THSD7A: variants seen among roughly 807,000 people sequenced by gnomAD.
THSD7A encodes thrombospondin type-1 domain-containing protein 7A.
A neutral mutation model predicts 231.3 loss-of-function variants in THSD7A; 96 were observed. The observed-to-expected ratio is 0.41, with a 90% CI of 0.35 to 0.49. The LOEUF (loss-of-function observed/expected upper bound fraction) is 0.49. THSD7A is among the 20% of genes least tolerant of loss of function. The probability of loss-of-function intolerance (pLI) is 0.05; values close to 1 mark genes in which losing one functional copy is unlikely to be tolerated. For synonymous variants in THSD7A, 940 were observed against 743.3 expected, an observed-to-expected ratio of 1.26 and a Z score of -4.30; for missense variants, 2,290 against 2,070.2, an observed-to-expected ratio of 1.11 and a Z score of -2.06.
Position 11,553,358 on chromosome 7 carries a change from T to C in THSD7A, c.1454-10241A>G, listed in dbSNP as rs143387010. Among the ~76,000 whole-genome samples, 657 of 152,232 alleles carry C rather than the reference T, an allele frequency of 4.3e-3. 10 individuals are homozygous for C. The highest frequency in any genetic ancestry group is 0.015 in the African/African-American group (628 of 41,540). ...ACATATTAATTGTAAATCACAGATC[T>C]TACCTGAGTTCCTCAAAAACTGTAA... On this transcript the variant is annotated intron_variant, in intron 4 of 27. Transcript: ENST00000423059.
At chr7:11,753,773 G>GGAGAGAGAGAGAGAGACA (rs929035718) in intron 1 of THSD7A, among the ~76,000 whole-genome samples, 1 of 149,946 alleles carries the variant, frequency 6.7e-6, no homozygotes, top group Admixed American at 6.7e-5. Flanking sequence ...ACAATGCAAT[G>GGAGAGAGAGAGAGAGACA]GAGAGAGAGA....
rs983386870 is a variant in THSD7A at position 11,390,956 on chromosome 7, C to T, written c.4412-8340G>A. The stretch of plus-strand genomic sequence containing the variant: ...GAACAGCAAAGATTGCTGCCTGTTC[C>T]TTCCTCTGAAAACTTCATCCCAGAG... On this transcript the variant is annotated intron_variant, in intron 23 of 27. Coordinates refer to ENST00000423059, the MANE Select transcript of THSD7A (RefSeq NM_015204.3). Among the ~76,000 whole-genome samples, 7 of 152,366 alleles carry T rather than the reference C, an allele frequency of 4.6e-5. No individual in the cohort carries two copies. The East Asian group carries it at 1.2e-3, about 25-fold the overall frequency.
chr7:11,658,729 A>G (rs1000612847), intron 1 of THSD7A, among the ~76,000 whole-genome samples: 1 of 151,828 alleles, frequency 6.6e-6, no homozygotes, highest in East Asian at 1.9e-4. Context: ...GTCTTACGTT[A>G]TTCGATTTCT....
At chr7:11,633,719 T>A (rs553179513) in intron 2 of THSD7A, among the ~76,000 whole-genome samples, 6 of 152,312 alleles carry the variant, frequency 3.9e-5, no homozygotes, top group African/African-American at 1.2e-4. Context: ...TTCTTATTGA[T>A]TTTGGTCTAT....
intron 2 of THSD7A, 24 bp from the exon 3 acceptor site, chr7:11,593,526 C>T (rs775034703): frequency 6.2e-7 from 1 of 1,608,470 alleles, no homozygotes; most frequent in Admixed American, 1.7e-5. Flanking sequence ...TTGATATTCT[C>T]ATTACAGACT....
chr7:11,480,568 A>C lies in THSD7A; in HGVS notation c.2017+1220T>G, dbSNP rs1015965578. ...AAAGGTTGTATTTTTCAATAGATAC[A>C]CTTTTTTTTTGGAGCAAAGAGTTAA... On this transcript the variant is annotated intron_variant, in intron 7 of 27. Transcript: ENST00000423059. 3.9e-5 allele frequency among the ~76,000 whole-genome samples: 6 copies of C among 152,014 alleles called. No homozygotes were observed. The South Asian group carries it at 8.3e-4, about 21-fold the overall frequency.
chr7:11,800,138 G>A (rs954776629), intron 1 of THSD7A, among the ~76,000 whole-genome samples: 2 of 152,152 alleles, frequency 1.3e-5, no homozygotes, highest in African/African-American at 4.8e-5. Flanking sequence ...CCAGCCTAGA[G>A]GGAAGACTGC....
At chr7:11,599,519 A>G (rs1780479749) in intron 2 of THSD7A, among the ~76,000 whole-genome samples, 1 of 152,184 alleles carries the variant, frequency 6.6e-6, no homozygotes. Flanking sequence ...TTTTCCCTTT[A>G]TCATGTGACA....
intron 1 of THSD7A, among the ~76,000 whole-genome samples, chr7:11,809,524 T>C (rs946123999): frequency 4.6e-5 from 7 of 152,166 alleles, no homozygotes; most frequent in Non-Finnish European, 7.4e-5. Flanking sequence ...AGTTCACTTA[T>C]TGCAGGAAGA....
At chr7:11,530,159 A>G (rs12670127) in intron 6 of THSD7A, among the ~76,000 whole-genome samples, 39,775 of 152,034 alleles carry the variant, frequency 0.26, 5,332 homozygotes, top group Middle Eastern at 0.37. Flanking sequence ...GGAATCCTTC[A>G]AATTTCAAGT....
At position 11,542,972 on chromosome 7, in the gene THSD7A, T is replaced by C; in HGVS notation, c.1599A>G (p.Gln533=). 2.5e-6 allele frequency: 4 copies of C among 1,613,406 alleles called. No individual in the cohort carries two copies. The highest frequency in any genetic ancestry group is 1.7e-6 in the Non-Finnish European group (2 of 1,179,656). ...PCTYENCNDQ[Q]GKKGFKLRKR... ...GGTCACGTTACCTACCTTTTTTCCC[T>C]TGCTGATCATTACAGTTTTCATAAG... The change falls in exon 5 of 28, where the codon CAA becomes CAG. Residue 533 remains glutamine (Q), a synonymous_variant. Transcript: ENST00000423059.
Position 11,636,635 on chromosome 7 carries a change from T to A in THSD7A, c.517A>T (p.Ile173Phe), listed in dbSNP as rs1301499953. 1 of 1,613,128 alleles carries A rather than the reference T, an allele frequency of 6.2e-7. No homozygotes were observed. Among genetic ancestry groups the A allele is most frequent in the Admixed American group, 1.7e-5 (1 of 60,000 alleles). Residue 173 changes from isoleucine (I) to phenylalanine (F), a missense_variant, in exon 2 of 28, where the codon ATC becomes TTC. Transcript: ENST00000423059. This position sits in a 1 kb window ranked among gnomAD's most constrained non-coding sequence, Gnocchi z 10.0. ...GGCTTGGGCTCAAAGTACTCACAGA[T>A]GATATCCTCCGCAGGAATGTCTTTG... Reference protein sequence around the residue: ...KDKDIPAEDIICEYFEPKPLL... With the variant: ...KDKDIPAEDIFCEYFEPKPLL...
chr7:11,450,241 C>T (rs562259377), intron 11 of THSD7A, among the ~76,000 whole-genome samples: 1 of 152,008 alleles, frequency 6.6e-6, no homozygotes, highest in Admixed American at 6.6e-5. Context: ...TTGTGCAGAT[C>T]TATACTATTC....
At chr7:11,511,080 C>G (rs577336360) in intron 6 of THSD7A, among the ~76,000 whole-genome samples, 76 of 152,302 alleles carry the variant, frequency 5.0e-4, no homozygotes, top group African/African-American at 1.8e-3. Flanking sequence ...GCAACTTCAG[C>G]AAAGTCTCAG....
chr7:11,779,306 C>G (rs769890750), intron 1 of THSD7A, among the ~76,000 whole-genome samples: 1 of 152,136 alleles, frequency 6.6e-6, no homozygotes, highest in Non-Finnish European at 1.5e-5. Context: ...TCCTATTTCT[C>G]TCCCTCACTC....
At chr7:11,397,578 C>G (rs1174794771) in intron 23 of THSD7A, among the ~76,000 whole-genome samples, 1 of 151,758 alleles carries the variant, frequency 6.6e-6, no homozygotes, top group African/African-American at 2.4e-5. Flanking sequence ...AATTAAAGAG[C>G]TTCTGCACAG....
At chr7:11,651,368 G>T (rs952694409) in intron 1 of THSD7A, among the ~76,000 whole-genome samples, 9 of 151,978 alleles carry the variant, frequency 5.9e-5, no homozygotes, top group Admixed American at 5.9e-4. Context: ...AGTGGTGATG[G>T]TGGCACAACA....
At chr7:11,628,127 A>G (rs995753402) in intron 2 of THSD7A, among the ~76,000 whole-genome samples, 1 of 152,190 alleles carries the variant, frequency 6.6e-6, no homozygotes, top group African/African-American at 2.4e-5. Flanking sequence ...TATAACTTAT[A>G]AATAAATAAA....
At chr7:11,806,663 A>G (rs563959983) in intron 1 of THSD7A, among the ~76,000 whole-genome samples, 1 of 152,278 alleles carries the variant, frequency 6.6e-6, no homozygotes, top group Non-Finnish European at 1.5e-5. Context: ...CAGTTCTTAG[A>G]TGATCCACTT....
Sources: allele counts gnomAD v4.1 joint callset (sites outside exome capture counted in the v4.1 genomes callset), GRCh38; gene constraint gnomAD v4.1.1; non-coding constraint Gnocchi (gnomAD v3.1); transcripts MANE v1.5; gene names NCBI Gene and HGNC (gene_info 2026-07-23, HGNC 2026-07-21).